Variants in PPM1H observed in about 807,000 individuals in gnomAD.
PPM1H encodes the protein protein phosphatase, Mg2+/Mn2+ dependent 1H.
Under a neutral mutation model 54.9 loss-of-function variants are expected in PPM1H, and 27 were observed. The observed-to-expected ratio is 0.49, with a 90% CI of 0.36 to 0.68. The LOEUF is 0.68. Among genes scored for constraint, PPM1H ranks in the 30% least tolerant of loss-of-function variants. The pLI is 0.00. For synonymous variants in PPM1H, 305 were observed against 270.8 expected, an observed-to-expected ratio of 1.13 and a Z score of -1.24; for missense variants, 596 against 667.8, an observed-to-expected ratio of 0.89 and a Z score of 1.19.
intron 1 of PPM1H, among the ~76,000 whole-genome samples, chr12:62,859,676 A>G (rs1236177787): frequency 6.6e-6 from 1 of 152,172 alleles, no homozygotes; most frequent in Non-Finnish European, 1.5e-5. Context: ...CAAAAATGTC[A>G]AGTTAGGAAA....
chr12:62,801,743 T>G, intron 3 of PPM1H, 73 bp downstream of exon 3: 1 of 1,529,744 alleles, frequency 6.5e-7, no homozygotes, highest in South Asian at 1.2e-5. Flanking sequence ...CTGGGAGCCC[T>G]CCAGGAAGGA....
chr12:62,923,477 C>T (rs988136376), intron 1 of PPM1H, among the ~76,000 whole-genome samples: 3 of 152,184 alleles, frequency 2.0e-5, no homozygotes, highest in Non-Finnish European at 4.4e-5. Flanking sequence ...TCTCGGCTCA[C>T]TGCAACCTCT....
chr12:62,701,497 T>C (rs565123628), intron 6 of PPM1H, among the ~76,000 whole-genome samples: 1 of 152,304 alleles, frequency 6.6e-6, no homozygotes, highest in East Asian at 1.9e-4. Flanking sequence ...GGAGGCCTGC[T>C]AGCAAATCTC....
intron 1 of PPM1H, among the ~76,000 whole-genome samples, chr12:62,864,315 A>G (rs1869701602): frequency 6.6e-6 from 1 of 152,252 alleles, no homozygotes. Flanking sequence ...AGCATGGTAC[A>G]TAACTTGTAA....
intron 2 of PPM1H, among the ~76,000 whole-genome samples, chr12:62,828,662 T>A (rs1035747117): frequency 6.6e-6 from 1 of 152,222 alleles, no homozygotes; most frequent in Admixed American, 6.5e-5. Flanking sequence ...ATCTCCAGCA[T>A]CCAGTTCTCA....
chr12:62,897,695 T>C lies in PPM1H; in HGVS notation c.245+36797A>G, dbSNP rs116994248. Among the ~76,000 whole-genome samples, 769 of 152,048 alleles carry C rather than the reference T, an allele frequency of 5.1e-3. 8 individuals are homozygous for C. The highest frequency in any genetic ancestry group is 0.031 in the Middle Eastern group (9 of 294). On this transcript the variant is annotated intron_variant, in intron 1 of 9. Coordinates refer to ENST00000228705, the MANE Select transcript of PPM1H (RefSeq NM_020700.2). ...TTGGCATGGCAATCTACCTATGACT[T>C]TGTGGCTTGGCTGAAAGATTTCAGC...
chr12:62,891,104 CAAAAAAAA>C (rs71450596), intron 1 of PPM1H, among the ~76,000 whole-genome samples: 97 of 76,106 alleles, frequency 1.3e-3, no homozygotes, highest in African/African-American at 4.4e-3. Flanking sequence ...GCAAGACTCT[CAAAAAAAA>C]AAAAAAAAAA....
chr12:62,900,101 G>C (rs1359710044), intron 1 of PPM1H, among the ~76,000 whole-genome samples: 1 of 152,176 alleles, frequency 6.6e-6, no homozygotes, highest in Non-Finnish European at 1.5e-5. Context: ...CACCCAGTCT[G>C]TGATATTTTG....
At chr12:62,883,960 C>G (rs543875481) in intron 1 of PPM1H, among the ~76,000 whole-genome samples, 2 of 150,232 alleles carry the variant, frequency 1.3e-5, no homozygotes, top group Admixed American at 1.3e-4. Flanking sequence ...TTCGCATGCA[C>G]GTGACAAGTC....
chr12:62,867,091 G>C (rs17098451), intron 1 of PPM1H, among the ~76,000 whole-genome samples: 1 of 151,858 alleles, frequency 6.6e-6, no homozygotes, highest in Non-Finnish European at 1.5e-5. Flanking sequence ...GTTGATCCTC[G>C]AATGCTTACA....
chr12:62,766,004 C>T (rs781065265), intron 4 of PPM1H, among the ~76,000 whole-genome samples: 5 of 152,164 alleles, frequency 3.3e-5, no homozygotes, highest in Admixed American at 6.5e-5. Flanking sequence ...GTGGTGTGGC[C>T]ACCCCACATT....
intron 2 of PPM1H, among the ~76,000 whole-genome samples, chr12:62,816,733 T>C (rs934400002): frequency 7.0e-6 from 1 of 142,804 alleles, no homozygotes; most frequent in Non-Finnish European, 1.5e-5. Flanking sequence ...ATGGTTTTGG[T>C]TTTTTTTTTT....
At chr12:62,660,333 AAAC>A (rs2075876233) in intron 9 of PPM1H, among the ~76,000 whole-genome samples, 1 of 152,228 alleles carries the variant, frequency 6.6e-6, no homozygotes, top group African/African-American at 2.4e-5. Flanking sequence ...GAAATAGAAA[AAAC>A]AACCCTAAAA....
In PPM1H at chr12:62,688,008, CA is replaced by C. The variant is rs57922128; in HGVS notation, c.1245+1690del. On this transcript the variant is annotated intron_variant, in intron 8 of 9. Coordinates refer to ENST00000228705, the MANE Select transcript of PPM1H (RefSeq NM_020700.2). Reference sequence around the variant, plus strand: ...TGGGCAACAGAGTGAGACTCCATCTCAAAAAAAAAAAAAAAAAGAAACAAAA... The same window carrying C: ...TGGGCAACAGAGTGAGACTCCATCTCAAAAAAAAAAAAAAAAGAAACAAAA... Among the ~76,000 whole-genome samples, 424 of 95,278 alleles carry C rather than the reference CA, an allele frequency of 4.5e-3. 6 individuals are homozygous for C. In the East Asian group the frequency reaches 0.047, roughly 11 times the overall value. 62.5% of individuals were successfully genotyped at this position (95,278 alleles called of 152,430 possible). A position where few individuals can be genotyped will look rare whatever the true frequency, so the allele number is the denominator to read the frequency against.
At chr12:62,662,681 T>G (rs185570429) in intron 9 of PPM1H, among the ~76,000 whole-genome samples, 14 of 152,324 alleles carry the variant, frequency 9.2e-5, no homozygotes, top group African/African-American at 3.4e-4. Context: ...GAAGTAATTA[T>G]AGATTACAGG....
intron 8 of PPM1H, among the ~76,000 whole-genome samples, chr12:62,674,829 C>A (rs1340547529): frequency 3.3e-5 from 5 of 152,184 alleles, no homozygotes; most frequent in African/African-American, 1.2e-4. Context: ...GGCAGCTTTA[C>A]CTTGCTTGGT....
chr12:62,840,713 G>A (rs575151109), intron 1 of PPM1H, among the ~76,000 whole-genome samples: 1 of 152,266 alleles, frequency 6.6e-6, no homozygotes, highest in South Asian at 2.1e-4. Context: ...CTAAGTATTG[G>A]CTTGGTGAGG....
chr12:62,800,871 G>C (rs1458425405), intron 3 of PPM1H, among the ~76,000 whole-genome samples: 1 of 152,230 alleles, frequency 6.6e-6, no homozygotes, highest in Non-Finnish European at 1.5e-5. Context: ...GGGGCAGCAA[G>C]GGACAGCGAG....
In PPM1H at chr12:62,760,255, C is replaced by T. The variant is rs180964068; in HGVS notation, c.870-22669G>A. On this transcript the variant is annotated intron_variant, in intron 4 of 9. Transcript: ENST00000228705. The stretch of plus-strand genomic sequence containing the variant: ...CCTGACGTCCAGGCATTCTTTTACA[C>T]ATTGGTTCCTCCCTAGTCTCTGCTC... Among the ~76,000 whole-genome samples, 17 of 152,288 alleles carry T rather than the reference C, an allele frequency of 1.1e-4. No individual in the cohort carries two copies. The East Asian group carries it at 3.3e-3, about 29-fold the overall frequency.
Sources: allele counts gnomAD v4.1 joint callset (sites outside exome capture counted in the v4.1 genomes callset), GRCh38; gene constraint gnomAD v4.1.1; transcripts MANE v1.5; gene names NCBI Gene and HGNC (gene_info 2026-07-23, HGNC 2026-07-21).